Variants in TENM3 observed in about 807,000 individuals in gnomAD.
TENM3 encodes the protein teneurin-3.
TENM3 carries 63 observed loss-of-function variants against 255.1 expected under a neutral mutation model. That is an observed-to-expected ratio of 0.25 (90% CI 0.20 to 0.30). The LOEUF is 0.30. Ranked by LOEUF, TENM3 falls within the 10% of genes least tolerant of loss-of-function variation. The pLI, the probability that TENM3 is intolerant of heterozygous loss-of-function variation, is 1.00. For missense variants in TENM3, 2,929 were observed against 3,461.1 expected (o/e 0.85, Z 3.86); for synonymous variants, 1,306 against 1,322.3 (o/e 0.99, Z 0.27).
chr4:182,396,321 G>T (rs553963208), intron 3 of TENM3, among the ~76,000 whole-genome samples: 97 of 152,300 alleles, frequency 6.4e-4, no homozygotes, highest in Middle Eastern at 6.8e-3. Flanking sequence ...AAAAAAGAAT[G>T]CAGGCCTTAG....
the TENM3 span, among the ~76,000 whole-genome samples, chr4:182,101,054 A>AAGGAACAGAGGAAGGGAGGAAGGG: frequency 1.5e-4 from 4 of 26,676 alleles, 1 homozygote; most frequent in African/African-American, 4.9e-4. Context: ...CAAAAAAAGG[A>AAGGAACAGAGGAAGGGAGGAAGGG]AGGAAGGGAG....
At chr4:182,707,083 G>A (rs1758337731) in intron 12 of TENM3, among the ~76,000 whole-genome samples, 1 of 152,138 alleles carries the variant, frequency 6.6e-6, no homozygotes, top group African/African-American at 2.4e-5. Context: ...TGCCTAGAAA[G>A]GTCATTAAAG....
At chr4:182,477,355 G>A (rs1733773255) in intron 3 of TENM3, among the ~76,000 whole-genome samples, 1 of 152,144 alleles carries the variant, frequency 6.6e-6, no homozygotes, top group Non-Finnish European at 1.5e-5. Context: ...GTCTTTTGCC[G>A]TCATCAGCGT....
At chr4:181,795,177 G>T in the TENM3 span, among the ~76,000 whole-genome samples, 1 of 152,016 alleles carries the variant, frequency 6.6e-6, no homozygotes, top group Non-Finnish European at 1.5e-5. Context: ...AGTTCAGGCT[G>T]CTATCACAAA....
chr4:182,357,221 G>A (rs1055283120), intron 3 of TENM3, among the ~76,000 whole-genome samples: 4 of 151,682 alleles, frequency 2.6e-5, no homozygotes, highest in Admixed American at 1.3e-4. Flanking sequence ...ATAGTCCTTT[G>A]GGTATATACC....
At chr4:182,780,213 A>C (rs1394079953) in intron 24 of TENM3, among the ~76,000 whole-genome samples, 1 of 150,964 alleles carries the variant, frequency 6.6e-6, no homozygotes. Context: ...TCTTTAATCC[A>C]TCTTGAATTG....
At chr4:181,783,298 G>A in the TENM3 span, among the ~76,000 whole-genome samples, 46 of 152,150 alleles carry the variant, frequency 3.0e-4, no homozygotes, top group African/African-American at 1.0e-3. Context: ...TATGAATCTG[G>A]GTGCTCCTGT....
chr4:182,135,182 G>A, the TENM3 span, among the ~76,000 whole-genome samples: 4 of 135,940 alleles, frequency 2.9e-5, no homozygotes, highest in African/African-American at 1.1e-4. Context: ...CTCCAGCCTG[G>A]TAGCAGGGTG....
At chr4:182,518,944 T>C (rs1332090009) in intron 3 of TENM3, among the ~76,000 whole-genome samples, 2 of 152,214 alleles carry the variant, frequency 1.3e-5, no homozygotes, top group African/African-American at 4.8e-5. Context: ...GTACGGGGCA[T>C]ATACTGGAAG....
the TENM3 span, among the ~76,000 whole-genome samples, chr4:181,482,503 A>G: frequency 6.6e-6 from 1 of 152,148 alleles, no homozygotes; most frequent in Non-Finnish European, 1.5e-5. Flanking sequence ...TGTACAGTGT[A>G]GCTACTTTGT....
chr4:182,719,632 A>G (rs1045085867), intron 13 of TENM3, among the ~76,000 whole-genome samples: 18 of 151,954 alleles, frequency 1.2e-4, no homozygotes, highest in African/African-American at 4.3e-4. Flanking sequence ...AAAACAGGCC[A>G]TTTTTTCAAG....
At chr4:182,487,586 A>T (rs567285535) in intron 3 of TENM3, among the ~76,000 whole-genome samples, 5 of 152,038 alleles carry the variant, frequency 3.3e-5, no homozygotes, top group Admixed American at 3.3e-4. Context: ...TCAGTCTAAC[A>T]CTCTCCCAAC....
At chr4:182,392,350 C>T (rs974947399) in intron 3 of TENM3, among the ~76,000 whole-genome samples, 10 of 152,198 alleles carry the variant, frequency 6.6e-5, no homozygotes, top group African/African-American at 2.4e-4. Flanking sequence ...GATTTACTCA[C>T]CATCTTTCAC....
Position 182,799,966 on chromosome 4 carries a change from A to T in TENM3, c.7715A>T (p.Glu2572Val). 6.3e-7 allele frequency: 1 copy of T among 1,592,624 alleles called. No homozygotes were observed. Among genetic ancestry groups the T allele is most frequent in the Non-Finnish European group, 8.5e-7 (1 of 1,170,272 alleles). ...LRLTSGRKAL[E>V]NGINVTVSQS... The stretch of plus-strand genomic sequence containing the variant: ...TTGACCAGCGGCCGCAAGGCGCTGG[A>T]GAACGGCATCAACGTGACGGTGTCG... The change falls in exon 28 of 28, where the codon GAG becomes GTG. Residue 2572 changes from glutamate to valine, a missense_variant. Physicochemically the swap from Glu to Val is moderately radical, Grantham distance 121. Around this residue, in one of 6 missense-constraint regions of TENM3, gnomAD observed 476 missense variants for 480.1 expected, o/e 0.99. Coordinates refer to ENST00000511685, the MANE Select transcript of TENM3 (RefSeq NM_001080477.4). The surrounding 1 kb of genome is among the most constrained non-coding windows in gnomAD (Gnocchi z 4.2).
the TENM3 span, among the ~76,000 whole-genome samples, chr4:181,462,644 T>TTTTG: frequency 6.6e-6 from 1 of 152,190 alleles, no homozygotes; most frequent in African/African-American, 2.4e-5. Context: ...AAGTAGAATT[T>TTTTG]TTTGTTTGTT....
chr4:181,763,098 A>G, the TENM3 span, among the ~76,000 whole-genome samples: 17 of 152,216 alleles, frequency 1.1e-4, no homozygotes, highest in African/African-American at 3.9e-4. Flanking sequence ...GACAAGGACT[A>G]TTTATATTTG....
chr4:182,201,623 G>T (rs1245042271), intron 1 of TENM3, among the ~76,000 whole-genome samples: 1 of 151,906 alleles, frequency 6.6e-6, no homozygotes, highest in East Asian at 1.9e-4. Flanking sequence ...GCAGCGGCTG[G>T]CCAGCAGGAG....
At chr4:182,341,086 C>A (rs1029817878) in intron 2 of TENM3, among the ~76,000 whole-genome samples, 3 of 152,058 alleles carry the variant, frequency 2.0e-5, no homozygotes, top group Admixed American at 1.3e-4. Flanking sequence ...AGTTTCATTT[C>A]TTTACAATAA....
chr4:182,683,818 G>A (rs1756360099), intron 11 of TENM3, among the ~76,000 whole-genome samples: 1 of 152,112 alleles, frequency 6.6e-6, no homozygotes. Flanking sequence ...TTTCCCACAA[G>A]CGTGAGGTGA....
Sources: allele counts gnomAD v4.1 joint callset (sites outside exome capture counted in the v4.1 genomes callset), GRCh38; gene constraint gnomAD v4.1.1; regional missense constraint gnomAD v4.1.1; non-coding constraint Gnocchi (gnomAD v3.1); transcripts MANE v1.5; gene names NCBI Gene and HGNC (gene_info 2026-07-23, HGNC 2026-07-21).